Variants in SOX6 observed in about 807,000 individuals in gnomAD.
SOX6 encodes the protein transcription factor SOX-6.
A neutral mutation model predicts 97.8 loss-of-function variants in SOX6; 11 were observed. That is an observed-to-expected ratio of 0.11 (90% CI 0.07 to 0.19). The LOEUF (loss-of-function observed/expected upper bound fraction) is 0.19. SOX6 is among the 10% of genes least tolerant of loss of function. SOX6 has a pLI of 1.00. For missense variants in SOX6, 810 were observed against 1,039.5 expected (o/e 0.78, Z 3.04); for synonymous variants, 360 against 371.4 (o/e 0.97, Z 0.35).
Position 16,196,141 on chromosome 11 carries a change from A to G in SOX6, c.536-9186T>C, listed in dbSNP as rs146053358. Among the ~76,000 whole-genome samples the G allele has an allele frequency of 2.8e-4, 42 of 152,326 alleles. 1 individual carries two copies. In the East Asian group the frequency reaches 7.3e-3, roughly 27 times the overall value. The stretch of plus-strand genomic sequence containing the variant: ...TAAACTTATACTACAATTGCTTTGC[A>G]CTGGGAAAAGCTTTATATATTAAGT... On this transcript the variant is annotated intron_variant, in intron 4 of 15. Transcript: ENST00000683767.
chr11:16,675,023 T>C (rs1847874808), intron 3 of SOX6, among the ~76,000 whole-genome samples: 2 of 152,198 alleles, frequency 1.3e-5, no homozygotes. Context: ...TGCTGACATA[T>C]TTAAAAAACC....
At chr11:16,369,455 A>C (rs943549855) in intron 1 of SOX6, among the ~76,000 whole-genome samples, 1 of 152,116 alleles carries the variant, frequency 6.6e-6, no homozygotes. Flanking sequence ...ACTGAAAAGT[A>C]TTTGTTTTAT....
intron 1 of SOX6, among the ~76,000 whole-genome samples, chr11:16,365,785 G>A (rs188697926): frequency 2.6e-5 from 4 of 152,096 alleles, no homozygotes; most frequent in Admixed American, 6.6e-5. Flanking sequence ...TCCTGTTGAC[G>A]ATGTTCATGA....
At chr11:16,705,451 C>T (rs1848124812) in intron 3 of SOX6, among the ~76,000 whole-genome samples, 1 of 151,770 alleles carries the variant, frequency 6.6e-6, no homozygotes, top group Non-Finnish European at 1.5e-5. Context: ...ATAGAGAGAC[C>T]TCGTCCCTAA....
At chr11:16,286,582 T>C (rs2134250830) in intron 3 of SOX6, among the ~76,000 whole-genome samples, 1 of 152,260 alleles carries the variant, frequency 6.6e-6, no homozygotes, top group East Asian at 1.9e-4. Context: ...AGTGAGGTAT[T>C]TATGAGTCAC....
At chr11:16,737,261 C>T (rs1213663688) in intron 1 of SOX6, among the ~76,000 whole-genome samples, 1 of 152,138 alleles carries the variant, frequency 6.6e-6, no homozygotes, top group Non-Finnish European at 1.5e-5. Flanking sequence ...GGCTGGAGTG[C>T]AGTGGCGCCA....
chr11:16,435,598 C>T (rs1859360816), intron 1 of SOX6, among the ~76,000 whole-genome samples: 1 of 152,080 alleles, frequency 6.6e-6, no homozygotes, highest in African/African-American at 2.4e-5. Context: ...GCCCTGCCAA[C>T]ACCTTGATTT....
At chr11:16,325,203 A>C (rs2134314036) in intron 2 of SOX6, among the ~76,000 whole-genome samples, 1 of 152,256 alleles carries the variant, frequency 6.6e-6, no homozygotes, top group African/African-American at 2.4e-5. Context: ...TAAATATCAA[A>C]GAAGTCATAG....
At chr11:16,360,160 C>T (rs983302680), upstream of SOX6, among the ~76,000 whole-genome samples, 1 of 152,178 alleles carries the variant, frequency 6.6e-6, no homozygotes, top group Non-Finnish European at 1.5e-5. Context: ...CATTGTCCCC[C>T]ATTTCACAGA....
At chr11:16,021,595 G>A (rs142835922) in intron 12 of SOX6, among the ~76,000 whole-genome samples, 4 of 152,234 alleles carry the variant, frequency 2.6e-5, no homozygotes, top group African/African-American at 9.6e-5. Context: ...TGTTTCTAGA[G>A]TAAGTAATCA....
chr11:16,006,039 G>A (rs972467543), intron 13 of SOX6, among the ~76,000 whole-genome samples: 1 of 151,992 alleles, frequency 6.6e-6, no homozygotes, highest in Non-Finnish European at 1.5e-5. Context: ...ATCAGTCACA[G>A]TAGACAGTGA....
At chr11:16,449,966 G>A (rs1005984513) in intron 1 of SOX6, among the ~76,000 whole-genome samples, 20 of 152,080 alleles carry the variant, frequency 1.3e-4, no homozygotes, top group African/African-American at 4.8e-4. Flanking sequence ...ATATTATTCA[G>A]CCACATTATA....
intron 1 of SOX6, chr11:16,382,548 A>G (rs2134411707): frequency 6.6e-6 from 1 of 152,142 alleles, no homozygotes; most frequent in South Asian, 2.1e-4. Context: ...AGCAAGTTCA[A>G]CACTCAATTC....
At chr11:16,422,255 G>A (rs542751529) in intron 1 of SOX6, among the ~76,000 whole-genome samples, 65 of 152,198 alleles carry the variant, frequency 4.3e-4, no homozygotes, top group African/African-American at 1.5e-3. Context: ...TCACACTAAT[G>A]GCCTTTACAT....
chr11:16,027,774 A>G (rs1183613691), intron 12 of SOX6, among the ~76,000 whole-genome samples: 1 of 152,224 alleles, frequency 6.6e-6, no homozygotes, highest in Non-Finnish European at 1.5e-5. Context: ...ACGTGTGGGA[A>G]CACGTACATG....
At chr11:16,611,947 G>C (rs1379918549) in intron 4 of SOX6, 1 of 152,544 alleles carries the variant, frequency 6.6e-6, no homozygotes, top group Non-Finnish European at 1.5e-5. Context: ...TCAAAAATAA[G>C]TTTTACAGAC....
rs528000786 is a variant in SOX6, at chr11:16,253,125, A to G, written c.446-18454T>C. 9.2e-5 allele frequency among the ~76,000 whole-genome samples: 14 copies of G among 152,312 alleles called. No individual in the cohort carries two copies. In the East Asian group the frequency reaches 2.7e-3, roughly 29 times the overall value. On this transcript the variant is annotated intron_variant, in intron 3 of 15. Transcript: ENST00000683767. ...CACTTTGGGAGGCCTAGGCGGGCAG[A>G]TCACCTGAGGTAGGGAGTTCGAGAC...
intron 1 of SOX6, among the ~76,000 whole-genome samples, chr11:16,425,381 A>G (rs960858016): frequency 1.3e-5 from 2 of 152,224 alleles, no homozygotes; most frequent in South Asian, 4.1e-4. Context: ...GTTGCTGAGG[A>G]TACAGCTTCA....
intron 3 of SOX6, among the ~76,000 whole-genome samples, chr11:16,693,436 C>A (rs1367359794): frequency 6.6e-6 from 1 of 151,756 alleles, no homozygotes; most frequent in Non-Finnish European, 1.5e-5. Flanking sequence ...GTTTTCTATC[C>A]AGTTTTTTCA....
Sources: allele counts gnomAD v4.1 joint callset (sites outside exome capture counted in the v4.1 genomes callset), GRCh38; gene constraint gnomAD v4.1.1; transcripts MANE v1.5; gene names NCBI Gene and HGNC (gene_info 2026-07-23, HGNC 2026-07-21).